PARN: variants seen among roughly 807,000 people sequenced by gnomAD.
The protein encoded by PARN is poly(A)-specific ribonuclease, also known as poly(A)-specific ribonuclease PARN.
A neutral mutation model predicts 102.8 loss-of-function variants in PARN; 71 were observed. That is an observed-to-expected ratio of 0.69 (90% CI 0.57 to 0.84). PARN has a LOEUF of 0.84. Among genes scored for constraint, PARN ranks in the 40% least tolerant of loss-of-function variants. The probability of loss-of-function intolerance (pLI) is 0.00; values close to 1 mark genes in which losing one functional copy is unlikely to be tolerated. For missense variants in PARN, 782 were observed against 760.9 expected, an observed-to-expected ratio of 1.03 and a Z score of -0.33; for synonymous variants, 261 against 252.9, an observed-to-expected ratio of 1.03 and a Z score of -0.30.
intron 21 of PARN, among the ~76,000 whole-genome samples, chr16:14,542,060 A>C (rs941406739): frequency 1.3e-5 from 2 of 152,134 alleles, no homozygotes; most frequent in African/African-American, 2.4e-5. Flanking sequence ...GCTGGAGTGC[A>C]GTGGCGTGAT....
chr16:14,630,161 C>A lies in PARN; in HGVS notation c.-36G>T, dbSNP rs1452929171. On this transcript the variant is annotated 5_prime_UTR_variant, in exon 1 of 24. Coordinates refer to ENST00000437198, the MANE Select transcript of PARN (RefSeq NM_002582.4). Reference sequence around the variant, plus strand: ...GGCCGGAACCTTGGCCCCACCCGGGCCCGCGCCCGCCTCAGCGGTTCTACT... The same window carrying A: ...GGCCGGAACCTTGGCCCCACCCGGGACCGCGCCCGCCTCAGCGGTTCTACT... The A allele has an allele frequency of 1.9e-6, 3 of 1,544,118 alleles. No homozygotes were observed. Among genetic ancestry groups the A allele is most frequent in the East Asian group, 2.4e-5 (1 of 41,002 alleles).
intron 18 of PARN, among the ~76,000 whole-genome samples, chr16:14,573,317 G>A (rs1968920738): frequency 6.6e-6 from 1 of 152,032 alleles, no homozygotes; most frequent in Non-Finnish European, 1.5e-5. Context: ...TTTTTGCAGT[G>A]AAAACACTTA....
At chr16:14,579,158 G>A (rs527801478) in intron 18 of PARN, among the ~76,000 whole-genome samples, 33 of 152,126 alleles carry the variant, frequency 2.2e-4, no homozygotes, top group African/African-American at 7.0e-4. Context: ...AGTACAGACC[G>A]GTTTTCACCA....
At chr16:14,498,122 C>CAAAA (rs34124932) in intron 21 of PARN, among the ~76,000 whole-genome samples, 6 of 44,816 alleles carry the variant, frequency 1.3e-4, no homozygotes, top group African/African-American at 2.7e-4. Flanking sequence ...GACTCCATCT[C>CAAAA]AAAAAAAAAA....
intron 2 of PARN, 120 bp from the exon 3 acceptor site, chr16:14,628,371 CCTAA>C (rs1311445995): frequency 6.4e-6 from 4 of 621,466 alleles, no homozygotes; most frequent in African/African-American, 3.7e-5. Context: ...GGAAGCACTC[CCTAA>C]CTTACTTTTT....
At chr16:14,485,844 C>T (rs1297421962) in intron 21 of PARN, among the ~76,000 whole-genome samples, 1 of 152,078 alleles carries the variant, frequency 6.6e-6, no homozygotes, top group African/African-American at 2.4e-5. Flanking sequence ...TGCGCCACGA[C>T]GCCTGGCTAA....
chr16:14,584,540 T>A, intron 15 of PARN, 118 bp from the exon 16 acceptor site: 1 of 862,968 alleles, frequency 1.2e-6, no homozygotes. Flanking sequence ...TTGTGTTCTT[T>A]AAAGAAACAC....
intron 1 of PARN, 39 bp downstream of exon 1, chr16:14,630,068 G>A: frequency 6.5e-7 from 1 of 1,538,302 alleles, no homozygotes; most frequent in Non-Finnish European, 8.8e-7. Flanking sequence ...AGGGGCAGCC[G>A]GGTGTGGGGA....
At chr16:14,475,841 C>A (rs546579560) in intron 22 of PARN, among the ~76,000 whole-genome samples, 4 of 152,120 alleles carry the variant, frequency 2.6e-5, no homozygotes, top group African/African-American at 9.6e-5. Flanking sequence ...TACTTTAATC[C>A]CTTATTTTAT....
intron 22 of PARN, among the ~76,000 whole-genome samples, chr16:14,479,781 T>C (rs945664693): frequency 4.6e-5 from 7 of 152,064 alleles, no homozygotes; most frequent in Non-Finnish European, 8.8e-5. Flanking sequence ...TTTAAACAAA[T>C]TGTTAAAATG....
chr16:14,628,198 C>T lies in PARN; in HGVS notation c.151G>A (p.Glu51Lys). Reference sequence around the variant, plus strand: ...TTTTTAAGCTTCTGATACCTCTCTTCTGGAGTGTCAAAACCATTTGTTAAT... The same window carrying T: ...TTTTTAAGCTTCTGATACCTCTCTTTTGGAGTGTCAAAACCATTTGTTAAT... ...SALTNGFDTP[E>K]ERYQKLKKHS... is the part of the protein sequence containing the mutation. Residue 51 changes from glutamate (E) to lysine (K), a missense_variant, in exon 3 of 24, where the codon GAA (glutamate) becomes AAA (lysine). By Grantham distance (56) the Glu-to-Lys change is moderately conservative. Transcript: ENST00000437198. The T allele has an allele frequency of 6.2e-7, 1 of 1,604,078 alleles. No homozygotes were observed. The highest frequency in any genetic ancestry group is 8.5e-7 in the Non-Finnish European group (1 of 1,171,358).
At chr16:14,589,181 AAAATAAAT>A (rs55852219) in intron 13 of PARN, among the ~76,000 whole-genome samples, 28 of 149,772 alleles carry the variant, frequency 1.9e-4, no homozygotes, top group Middle Eastern at 3.4e-3. Flanking sequence ...CTCTGTCTCA[AAAATAAAT>A]AAATAAATAA....
At position 14,446,883 on chromosome 16, in the gene PARN, C is replaced by A; in HGVS notation, c.1864+5G>T. 1 of 1,609,502 alleles carries A rather than the reference C, an allele frequency of 6.2e-7. No homozygotes were observed. The highest frequency in any genetic ancestry group is 8.5e-7 in the Non-Finnish European group (1 of 1,177,316). Reference sequence around the variant, plus strand: ...CCCAGAACTTCGGCAAGATCCAATACAAACCTGCTGGAGAAAGCTCCTTCT... The same window carrying A: ...CCCAGAACTTCGGCAAGATCCAATAAAAACCTGCTGGAGAAAGCTCCTTCT... On this transcript the variant is annotated splice_donor_5th_base_variant and intron_variant, in intron 23 of 23. Transcript: ENST00000437198.
intron 21 of PARN, among the ~76,000 whole-genome samples, chr16:14,486,805 A>T (rs1004829965): frequency 1.3e-5 from 2 of 152,226 alleles, no homozygotes; most frequent in Admixed American, 1.3e-4. Flanking sequence ...CAGCTATTCC[A>T]GCTCGCCTGT....
intron 22 of PARN, among the ~76,000 whole-genome samples, chr16:14,454,352 G>C (rs1370652286): frequency 6.6e-6 from 1 of 152,162 alleles, no homozygotes; most frequent in Non-Finnish European, 1.5e-5. Flanking sequence ...TTTCCACAGT[G>C]TGTGCCTTCT....
intron 21 of PARN, among the ~76,000 whole-genome samples, chr16:14,524,776 A>G (rs1965909704): frequency 6.6e-6 from 1 of 152,168 alleles, no homozygotes; most frequent in Admixed American, 6.6e-5. Flanking sequence ...CATCAGTGCC[A>G]CTCGGATCCT....
At chr16:14,473,563 A>AAC (rs772602924) in intron 22 of PARN, among the ~76,000 whole-genome samples, 3 of 152,204 alleles carry the variant, frequency 2.0e-5, no homozygotes, top group Non-Finnish European at 4.4e-5. Context: ...ACAAGAGCTA[A>AAC]ACAACAGGAA....
At chr16:14,549,952 G>A (rs1326278629) in intron 21 of PARN, among the ~76,000 whole-genome samples, 2 of 152,180 alleles carry the variant, frequency 1.3e-5, no homozygotes, top group Non-Finnish European at 2.9e-5. Context: ...GACAAGTGGT[G>A]GAGCCAAAGT....
At chr16:14,527,578 T>C (rs75287538) in intron 21 of PARN, among the ~76,000 whole-genome samples, 1 of 152,220 alleles carries the variant, frequency 6.6e-6, no homozygotes, top group Non-Finnish European at 1.5e-5. Flanking sequence ...CACATGTTCA[T>C]CAACCGATCA....
Sources: gnomAD v4.1 joint callset for allele counts (sites outside exome capture counted in the v4.1 genomes callset) on GRCh38, gnomAD v4.1.1 for gene constraint, MANE v1.5 for transcripts, NCBI Gene and HGNC (gene_info 2026-07-23, HGNC 2026-07-21) for gene names.